Variants in TSPAN4 observed in about 807,000 individuals in gnomAD.
TSPAN4 encodes the protein tetraspanin 4.
A neutral mutation model predicts 31.5 loss-of-function variants in TSPAN4; 38 were observed. The observed-to-expected ratio is 1.21, with a 90% CI of 0.93 to 1.58. The LOEUF (loss-of-function observed/expected upper bound fraction) is 1.58. Among genes scored for constraint, TSPAN4 ranks in the 40% most tolerant of loss-of-function variants. The probability of loss-of-function intolerance (pLI) is 0.00; values close to 1 mark genes in which losing one functional copy is unlikely to be tolerated. For missense variants in TSPAN4, 330 were observed against 317.3 expected (o/e 1.04, Z -0.30); for synonymous variants, 186 against 144.6 (o/e 1.29, Z -2.06).
At chr11:862,375 G>C in intron 3 of TSPAN4, 175 bp from the exon 4 acceptor site, 1 of 589,892 alleles carries the variant, frequency 1.7e-6, no homozygotes, top group South Asian at 2.2e-5. Context: ...GGGAAAGACT[G>C]GCCTGCCCTG....
chr11:850,428 C>T, intron 3 of TSPAN4, 61 bp downstream of exon 3: 1 of 1,483,060 alleles, frequency 6.7e-7, no homozygotes, highest in African/African-American at 1.4e-5. Context: ...CGCGGCGGGT[C>T]GCGGGGTCTG....
chr11:866,597 C>T lies in TSPAN4; in HGVS notation c.684C>T (p.Cys228=). 1 of 1,613,474 alleles carries T rather than the reference C, an allele frequency of 6.2e-7. No individual in the cohort carries two copies. The highest frequency in any genetic ancestry group is 8.5e-7 in the Non-Finnish European group (1 of 1,179,822). ...TGACCTTCGCCATGACCATGTACTG[C>T]CAAGTGGTCAAGGCAGACACCTACT... ...LGLTFAMTMY[C]QVVKADTYCA The change falls in exon 9 of 9, where the codon TGC becomes TGT. Residue 228 remains cysteine, a synonymous_variant. Transcript: ENST00000397397.
chr11:853,718 C>T (rs908140541), intron 3 of TSPAN4, among the ~76,000 whole-genome samples: 44 of 152,216 alleles, frequency 2.9e-4, no homozygotes, highest in Admixed American at 1.5e-3. Flanking sequence ...CCATGGACAT[C>T]TGGGGACATG....
chr11:859,043 C>G (rs1259626596), intron 3 of TSPAN4, among the ~76,000 whole-genome samples: 1 of 134,936 alleles, frequency 7.4e-6, no homozygotes, highest in Non-Finnish European at 1.6e-5. Context: ...CACGCACCCC[C>G]GGGCTCACAC....
chr11:854,618 AC>A (rs1378792653), intron 3 of TSPAN4, among the ~76,000 whole-genome samples: 2 of 152,080 alleles, frequency 1.3e-5, no homozygotes, highest in African/African-American at 4.8e-5. Context: ...TGGGCTGTCA[AC>A]CCTGGAGGTG....
At chr11:852,248 C>T (rs965834029) in intron 3 of TSPAN4, among the ~76,000 whole-genome samples, 4 of 152,244 alleles carry the variant, frequency 2.6e-5, no homozygotes, top group Admixed American at 6.5e-5. Flanking sequence ...CTCAGCTTCC[C>T]GAATTGCTGG....
intron 1 of TSPAN4, chr11:843,387 C>G (rs946123765): frequency 1.3e-5 from 2 of 152,054 alleles, no homozygotes; most frequent in Non-Finnish European, 2.9e-5. Context: ...GCTCCCGACG[C>G]TCAGACGCGC....
At chr11:862,948 G>C (rs989670357) in intron 4 of TSPAN4, 7 of 587,034 alleles carry the variant, frequency 1.2e-5, no homozygotes, top group Non-Finnish European at 2.1e-5. Context: ...TTGCAGAGCG[G>C]TGTGGGGGTC....
chr11:862,944 A>G, intron 4 of TSPAN4: 3 of 597,856 alleles, frequency 5.0e-6, no homozygotes, highest in Non-Finnish European at 8.7e-6. Flanking sequence ...TGATTTGCAG[A>G]GCGGTGTGGG....
At chr11:853,802 C>G (rs999770416) in intron 3 of TSPAN4, among the ~76,000 whole-genome samples, 4 of 152,226 alleles carry the variant, frequency 2.6e-5, no homozygotes, top group Non-Finnish European at 5.9e-5. Flanking sequence ...CTGAGCCTTC[C>G]TTTGAGCCCT....
At chr11:855,954 G>GGCTGAGA (rs1436009083) in intron 3 of TSPAN4, among the ~76,000 whole-genome samples, 12 of 152,216 alleles carry the variant, frequency 7.9e-5, no homozygotes, top group African/African-American at 2.7e-4. Flanking sequence ...GTGGGCTGAG[G>GGCTGAGA]GCTGAGAGCT....
chr11:865,355 A>G, intron 5 of TSPAN4, 158 bp from the exon 6 acceptor site: 1 of 622,294 alleles, frequency 1.6e-6, no homozygotes, highest in South Asian at 2.0e-5. Context: ...TGCTGGGAGG[A>G]CATGGGGCCG....
chr11:861,528 C>T lies in TSPAN4; in HGVS notation c.64-1022C>T, dbSNP rs534621908. Among the ~76,000 whole-genome samples, 834 of 152,208 alleles carry T rather than the reference C, an allele frequency of 5.5e-3. 8 individuals carry two copies. Among genetic ancestry groups the T allele is most frequent in the Non-Finnish European group, 4.8e-3 (326 of 68,004 alleles). ...GAGATCAAGACCATCCTGGCTAACA[C>T]GGTGAAACCCTGTCTCTACTAAAAG... On this transcript the variant is annotated intron_variant, in intron 3 of 8. Coordinates refer to ENST00000397397, the MANE Select transcript of TSPAN4 (RefSeq NM_003271.5).
intron 3 of TSPAN4, among the ~76,000 whole-genome samples, chr11:861,684 C>G (rs1486341889): frequency 6.6e-6 from 1 of 151,986 alleles, no homozygotes; most frequent in Non-Finnish European, 1.5e-5. Flanking sequence ...TGCACTCCAG[C>G]CTGGGTGACA....
intron 3 of TSPAN4, among the ~76,000 whole-genome samples, chr11:859,116 G>GCAC (rs1848257636): frequency 3.6e-5 from 2 of 55,968 alleles, no homozygotes; most frequent in Non-Finnish European, 3.4e-5. Flanking sequence ...GCTCACACGT[G>GCAC]CCCTGGCTCA....
chr11:850,459 C>G (rs1331604282), intron 3 of TSPAN4, 92 bp downstream of exon 3: 1 of 1,131,728 alleles, frequency 8.8e-7, no homozygotes. Context: ...GTCGCTGCCC[C>G]GGCCAGGCGT....
chr11:854,517 A>AC (rs1297852441), intron 3 of TSPAN4, among the ~76,000 whole-genome samples: 1 of 151,440 alleles, frequency 6.6e-6, no homozygotes, highest in African/African-American at 2.4e-5. Flanking sequence ...CCCCGGGGAG[A>AC]CCCCCCAGGT....
At chr11:844,196 G>A (rs1042610682) in intron 1 of TSPAN4, 85 of 152,812 alleles carry the variant, frequency 5.6e-4, no homozygotes, top group Non-Finnish European at 7.9e-4. Flanking sequence ...GGTGAGGGGG[G>A]CAGGGGGGTC....
chr11:859,808 T>A (rs1352679760), intron 3 of TSPAN4: 5 of 152,208 alleles, frequency 3.3e-5, no homozygotes, highest in African/African-American at 1.2e-4. Flanking sequence ...TGGGGCTGGC[T>A]TTGCTCAGAA....
Sources: gnomAD v4.1 joint callset for allele counts (sites outside exome capture counted in the v4.1 genomes callset) on GRCh38, gnomAD v4.1.1 for gene constraint, MANE v1.5 for transcripts, NCBI Gene and HGNC (gene_info 2026-07-23, HGNC 2026-07-21) for gene names.